DCAF1: variants seen among roughly 807,000 people sequenced by gnomAD.
DCAF1 encodes DDB1 and CUL4 associated factor 1, also known as DDB1- and CUL4-associated factor 1.
In DCAF1, 15 loss-of-function variants were observed where a neutral mutation model predicts 128.0. The observed-to-expected ratio is 0.12, with a 90% CI of 0.08 to 0.18. The LOEUF (loss-of-function observed/expected upper bound fraction) is 0.18. Ranked by LOEUF, DCAF1 falls within the 10% of genes least tolerant of loss-of-function variation. The pLI, the probability that DCAF1 is intolerant of heterozygous loss-of-function variation, is 1.00. For synonymous variants in DCAF1, 610 were observed against 603.0 expected, an observed-to-expected ratio of 1.01 and a Z score of -0.17; for missense variants, 988 against 1,649.5, an observed-to-expected ratio of 0.60 and a Z score of 6.95.
At chr3:51,448,589 A>C (rs781981907) in intron 6 of DCAF1, among the ~76,000 whole-genome samples, 16 of 152,210 alleles carry the variant, frequency 1.1e-4, no homozygotes, top group Non-Finnish European at 1.9e-4. Context: ...GACTTTTCTT[A>C]GAGTTCTGAT....
chr3:51,424,115 G>A (rs1699685477), intron 13 of DCAF1, among the ~76,000 whole-genome samples: 1 of 152,096 alleles, frequency 6.6e-6, no homozygotes, highest in Non-Finnish European at 1.5e-5. Context: ...GAGAAATGTT[G>A]GATGTCTTTT....
chr3:51,475,137 C>T (rs1705276484), intron 3 of DCAF1, among the ~76,000 whole-genome samples: 1 of 151,728 alleles, frequency 6.6e-6, no homozygotes, highest in South Asian at 2.1e-4. Context: ...GCTATGTTGC[C>T]CAGGCTGGTC....
intron 2 of DCAF1, among the ~76,000 whole-genome samples, chr3:51,489,789 A>G (rs1417850987): frequency 3.4e-5 from 5 of 145,508 alleles, no homozygotes; most frequent in Admixed American, 2.9e-4. Flanking sequence ...CTGTCTCAAA[A>G]AAAAAAAAAA....
chr3:51,428,331 CTTTTTT>C (rs35486639), intron 12 of DCAF1, among the ~76,000 whole-genome samples: 1 of 110,512 alleles, frequency 9.0e-6, no homozygotes, highest in Non-Finnish European at 1.7e-5. Flanking sequence ...CCACCATGCC[CTTTTTT>C]TTTTTTTTTT....
chr3:51,415,003 AG>A (rs1698751091), intron 18 of DCAF1, 146 bp from the exon 19 acceptor site: 1 of 1,317,726 alleles, frequency 7.6e-7, no homozygotes, highest in Non-Finnish European at 1.0e-6. Context: ...TGCCTCCCAA[AG>A]TGCTGGGATT....
intron 2 of DCAF1, among the ~76,000 whole-genome samples, chr3:51,494,277 G>A (rs1401536136): frequency 3.3e-5 from 5 of 151,722 alleles, no homozygotes; most frequent in Admixed American, 6.6e-5. Context: ...ACCACACCCG[G>A]CTACTTTTTT....
chr3:51,483,936 A>T (rs1384259015), intron 2 of DCAF1, 100 bp from the exon 3 acceptor site: 3 of 839,950 alleles, frequency 3.6e-6, no homozygotes. Flanking sequence ...GCAAGAGAAA[A>T]AATTAAAAAG....
chr3:51,482,436 C>T (rs932629513), intron 3 of DCAF1, among the ~76,000 whole-genome samples: 1 of 150,616 alleles, frequency 6.6e-6, no homozygotes, highest in Non-Finnish European at 1.5e-5. Context: ...GAGACCCTGT[C>T]TCCAAAAAAA....
intron 3 of DCAF1, among the ~76,000 whole-genome samples, chr3:51,480,096 C>A (rs1276468608): frequency 1.4e-5 from 2 of 148,136 alleles, no homozygotes; most frequent in African/African-American, 5.0e-5. Flanking sequence ...ACAGTGAGAC[C>A]CTGTCACTAA....
intron 23 of DCAF1, among the ~76,000 whole-genome samples, chr3:51,408,101 A>G (rs1161940994): frequency 6.6e-6 from 1 of 151,960 alleles, no homozygotes; most frequent in Non-Finnish European, 1.5e-5. Flanking sequence ...AGGCAGGCAG[A>G]CTAGCAGCCT....
intron 2 of DCAF1, among the ~76,000 whole-genome samples, chr3:51,492,921 G>A (rs782762073): frequency 1.2e-4 from 18 of 152,010 alleles, no homozygotes; most frequent in Non-Finnish European, 2.4e-4. Context: ...GTGAACCCGG[G>A]AGGTGGAGCT....
intron 7 of DCAF1, among the ~76,000 whole-genome samples, chr3:51,442,557 G>A (rs1196827450): frequency 6.6e-6 from 1 of 152,022 alleles, no homozygotes; most frequent in East Asian, 1.9e-4. Context: ...AAATTTCCAG[G>A]GTGTGGAGGT....
At chr3:51,455,747 A>C (rs1702827316) in intron 6 of DCAF1, among the ~76,000 whole-genome samples, 1 of 151,896 alleles carries the variant, frequency 6.6e-6, no homozygotes, top group Non-Finnish European at 1.5e-5. Flanking sequence ...AAATACAAAA[A>C]TTTGCCAGGC....
chr3:51,411,611 C>A (rs1343027456), intron 23 of DCAF1, among the ~76,000 whole-genome samples: 7 of 152,178 alleles, frequency 4.6e-5, no homozygotes, highest in Non-Finnish European at 1.5e-5. Flanking sequence ...TCAAAAGTAT[C>A]AAAATCTTAT....
At chr3:51,454,655 G>A (rs1339475997) in intron 6 of DCAF1, among the ~76,000 whole-genome samples, 5 of 151,978 alleles carry the variant, frequency 3.3e-5, no homozygotes, top group Admixed American at 1.3e-4. Flanking sequence ...GAGCCACGAC[G>A]CCCAGCCCCT....
At chr3:51,471,869 CAA>C (rs377297382) in intron 3 of DCAF1, among the ~76,000 whole-genome samples, 1 of 143,858 alleles carries the variant, frequency 7.0e-6, no homozygotes, top group African/African-American at 2.5e-5. Context: ...AACTCTGTCT[CAA>C]AAAAAAAAAC....
At chr3:51,494,477 CTG>C (rs1437421703) in intron 2 of DCAF1, among the ~76,000 whole-genome samples, 2 of 152,090 alleles carry the variant, frequency 1.3e-5, no homozygotes, top group African/African-American at 4.8e-5. Context: ...TTGCACAACA[CTG>C]TGAATCTACA....
chr3:51,447,045 A>G (rs1054907953), intron 6 of DCAF1, among the ~76,000 whole-genome samples: 1 of 151,416 alleles, frequency 6.6e-6, no homozygotes, highest in Non-Finnish European at 1.5e-5. Flanking sequence ...TCTTTTTCTT[A>G]AAGTCTTCCA....
chr3:51,398,949 A>G (rs554372571), intron 24 of DCAF1, 122 bp from the exon 25 acceptor site: 2 of 1,233,546 alleles, frequency 1.6e-6, no homozygotes, highest in East Asian at 5.1e-5. Flanking sequence ...GTTTCCAGAA[A>G]GAAGAAAACA....
Sources: gnomAD v4.1 joint callset for allele counts (sites outside exome capture counted in the v4.1 genomes callset) on GRCh38, gnomAD v4.1.1 for gene constraint, MANE v1.5 for transcripts, NCBI Gene and HGNC (gene_info 2026-07-23, HGNC 2026-07-21) for gene names.